RORA: variants seen among roughly 807,000 people sequenced by gnomAD.
RORA encodes the protein RAR related orphan receptor A.
In RORA, 7 loss-of-function variants were observed where a neutral mutation model predicts 69.5. That is an observed-to-expected ratio of 0.10 (90% CI 0.06 to 0.19). The LOEUF (loss-of-function observed/expected upper bound fraction) is 0.19, where lower values mean the gene tolerates loss of function less well. Among genes scored for constraint, RORA ranks in the 10% least tolerant of loss-of-function variants. The pLI, the probability that RORA is intolerant of heterozygous loss-of-function variation, is 1.00. For synonymous variants in RORA, 261 were observed against 240.8 expected (o/e 1.08, Z -0.78); for missense variants, 457 against 663.0 (o/e 0.69, Z 3.41).
chr15:60,768,396 C>G (rs990672394), intron 1 of RORA, among the ~76,000 whole-genome samples: 3 of 152,132 alleles, frequency 2.0e-5, no homozygotes, highest in Non-Finnish European at 4.4e-5. Flanking sequence ...TGTGAACGTA[C>G]CTGAAAGGAT....
chr15:60,909,941 A>G (rs923067456), intron 1 of RORA, among the ~76,000 whole-genome samples: 37 of 152,248 alleles, frequency 2.4e-4, no homozygotes, highest in African/African-American at 8.2e-4. Context: ...GAGGTGATGC[A>G]GAAATCTACT....
intron 1 of RORA, among the ~76,000 whole-genome samples, chr15:61,222,349 G>C (rs528204342): frequency 6.6e-6 from 1 of 152,164 alleles, no homozygotes; most frequent in African/African-American, 2.4e-5. Context: ...GTCAGTTAAG[G>C]CCATACAAAT....
intron 2 of RORA, among the ~76,000 whole-genome samples, chr15:60,577,820 G>A (rs1439991665): frequency 6.6e-6 from 1 of 152,008 alleles, no homozygotes; most frequent in East Asian, 1.9e-4. Context: ...TATTTTATAA[G>A]ACAAAAAGTT....
At chr15:60,549,985 C>T (rs12101350) in intron 2 of RORA, among the ~76,000 whole-genome samples, 3,126 of 152,204 alleles carry the variant, frequency 0.021, 119 homozygotes, top group African/African-American at 0.064. Flanking sequence ...GAGCTGCTTC[C>T]GACCTTGAAA....
intron 1 of RORA, among the ~76,000 whole-genome samples, chr15:61,071,806 A>T (rs968324714): frequency 1.3e-5 from 2 of 152,040 alleles, no homozygotes; most frequent in African/African-American, 4.8e-5. Context: ...ATGTAAAGAC[A>T]AAGTGTTACT....
intron 1 of RORA, among the ~76,000 whole-genome samples, chr15:61,085,402 G>A (rs2078607743): frequency 6.6e-6 from 1 of 152,166 alleles, no homozygotes; most frequent in Admixed American, 6.5e-5. Flanking sequence ...CACAAAAATG[G>A]GCTGGACAGA....
At chr15:60,766,204 T>C (rs1339377692) in intron 1 of RORA, among the ~76,000 whole-genome samples, 6 of 152,148 alleles carry the variant, frequency 3.9e-5, no homozygotes, top group Admixed American at 2.0e-4. Context: ...TTCCTTGTTA[T>C]ATGGAATTGT....
intron 1 of RORA, among the ~76,000 whole-genome samples, chr15:60,879,394 T>G (rs975403745): frequency 6.6e-6 from 1 of 152,106 alleles, no homozygotes; most frequent in African/African-American, 2.4e-5. Flanking sequence ...GTAGAGTATA[T>G]GAGATAATAT....
chr15:61,172,098 G>C (rs905941033), intron 1 of RORA, among the ~76,000 whole-genome samples: 1 of 151,998 alleles, frequency 6.6e-6, no homozygotes. Flanking sequence ...ATATATTGTA[G>C]ACATCTGAAT....
chr15:60,943,306 A>AC (rs1219264930), intron 1 of RORA, among the ~76,000 whole-genome samples: 3 of 146,312 alleles, frequency 2.1e-5, no homozygotes, highest in Non-Finnish European at 3.0e-5. Flanking sequence ...GTCTTTCTTA[A>AC]TTTTTTTTTT....
intron 1 of RORA, among the ~76,000 whole-genome samples, chr15:60,752,349 T>C (rs151180125): frequency 6.6e-6 from 1 of 152,166 alleles, no homozygotes; most frequent in African/African-American, 2.4e-5. Flanking sequence ...ACAAATACAG[T>C]ATGTAAAGCG....
intron 1 of RORA, among the ~76,000 whole-genome samples, chr15:61,052,454 G>C (rs770868638): frequency 2.0e-5 from 3 of 152,218 alleles, no homozygotes; most frequent in Non-Finnish European, 2.9e-5. Context: ...AGTGGTTCTA[G>C]TATCGTACGA....
chr15:61,081,317 C>A (rs368726672), intron 1 of RORA, among the ~76,000 whole-genome samples: 26 of 152,078 alleles, frequency 1.7e-4, no homozygotes, highest in African/African-American at 6.3e-4. Flanking sequence ...GTACTCTTAA[C>A]CTTTAGGGAT....
At chr15:61,056,757 G>A (rs755280249) in intron 1 of RORA, among the ~76,000 whole-genome samples, 23 of 152,140 alleles carry the variant, frequency 1.5e-4, no homozygotes, top group Non-Finnish European at 2.4e-4. Flanking sequence ...AATAGACAGG[G>A]CCTATTTTAA....
chr15:60,733,340 C>G (rs1003635826), intron 1 of RORA, among the ~76,000 whole-genome samples: 1 of 152,144 alleles, frequency 6.6e-6, no homozygotes, highest in Admixed American at 6.5e-5. Context: ...GACACAAATG[C>G]CAATCTTACT....
In RORA at chr15:61,229,119, C is replaced by G. The variant is rs1359505455; in HGVS notation, c.100G>C (p.Glu34Gln). 3 of 1,541,378 alleles carry G rather than the reference C, an allele frequency of 1.9e-6. No homozygotes were observed. The highest frequency in any genetic ancestry group is 3.9e-5 in the Admixed American group (2 of 50,668). Reference protein sequence around the residue: ...AGSRETPLNQESARKSEPPAP... With the variant: ...AGSRETPLNQQSARKSEPPAP... ...GGCGGCTCGCTCTTGCGGGCGGATT[C>G]CTGGTTCAGCGGGGTCTCCCTGGAG... Residue 34 changes from glutamate to glutamine, a missense_variant, in exon 1 of 11, where the codon GAA (glutamate) becomes CAA (glutamine). Coordinates refer to ENST00000335670, the MANE Select transcript of RORA (RefSeq NM_134261.3).
chr15:60,642,941 G>A (rs1282460470), intron 2 of RORA, among the ~76,000 whole-genome samples: 3 of 152,042 alleles, frequency 2.0e-5, no homozygotes, highest in African/African-American at 7.3e-5. Flanking sequence ...TGGATTGCTT[G>A]AGCCCAGGAG....
At chr15:60,865,727 C>T (rs9806651) in intron 1 of RORA, among the ~76,000 whole-genome samples, 54,809 of 151,932 alleles carry the variant, frequency 0.36, 10,154 homozygotes, top group South Asian at 0.39. Context: ...TGGAAACAGC[C>T]CCTTCCAGTC....
At chr15:61,032,472 G>A (rs1373681366) in intron 1 of RORA, among the ~76,000 whole-genome samples, 1 of 152,202 alleles carries the variant, frequency 6.6e-6, no homozygotes, top group Non-Finnish European at 1.5e-5. Context: ...AAGCCACTAA[G>A]AGGTAAAAAT....
Sources: gnomAD v4.1 joint callset for allele counts (sites outside exome capture counted in the v4.1 genomes callset) on GRCh38, gnomAD v4.1.1 for gene constraint, MANE v1.5 for transcripts, NCBI Gene and HGNC (gene_info 2026-07-23, HGNC 2026-07-21) for gene names.